The following STEAP3 variants were observed in gnomAD, a reference collection of about 807,000 sequenced individuals.
STEAP3 encodes the protein metalloreductase STEAP3.
In STEAP3, 35 loss-of-function variants were observed where a neutral mutation model predicts 34.9. The observed-to-expected ratio is 1.00, with a 90% CI of 0.76 to 1.33. STEAP3 has a LOEUF of 1.33. STEAP3 is among the 40% of genes most tolerant of loss of function. The pLI, the probability that STEAP3 is intolerant of heterozygous loss-of-function variation, is 0.00. For synonymous variants in STEAP3, 281 were observed against 301.6 expected, an observed-to-expected ratio of 0.93 and a Z score of 0.71; for missense variants, 652 against 667.6, an observed-to-expected ratio of 0.98 and a Z score of 0.26.
intron 4 of STEAP3, among the ~76,000 whole-genome samples, chr2:119,250,556 G>A (rs2104831302): frequency 6.6e-6 from 1 of 152,202 alleles, no homozygotes; most frequent in East Asian, 1.9e-4. Context: ...TGCTGCCCAG[G>A]ACGGGGCAGA....
At chr2:119,243,571 C>T (rs1382903069) in intron 2 of STEAP3, among the ~76,000 whole-genome samples, 1 of 152,190 alleles carries the variant, frequency 6.6e-6, no homozygotes, top group Non-Finnish European at 1.5e-5. Context: ...GGCCCATCAC[C>T]CGAGGAAAGG....
chr2:119,252,905 C>A (rs1677665068), intron 4 of STEAP3, among the ~76,000 whole-genome samples: 2 of 152,190 alleles, frequency 1.3e-5, no homozygotes, highest in South Asian at 4.1e-4. Context: ...GTGTAATCAT[C>A]CAAACTCTGA....
chr2:119,256,427 G>A (rs12104548), intron 5 of STEAP3, among the ~76,000 whole-genome samples: 2,237 of 152,094 alleles, frequency 0.015, 59 homozygotes, highest in African/African-American at 0.051. Context: ...TGGAGTATCC[G>A]GCGTGCATGG....
chr2:119,264,003 T>G lies in STEAP3; in HGVS notation c.*665T>G, dbSNP rs1380066175. On this transcript the variant is annotated 3_prime_UTR_variant, in exon 6 of 6. Transcript: ENST00000393110. ...TGAAGCTGCTCCACCTCATCCTTGC[T>G]GAGTGGGGGAGACATTTTCCCTGAA... 6.4e-6 allele frequency: 1 copy of G among 157,130 alleles called. No individual in the cohort carries two copies. The highest frequency in any genetic ancestry group is 1.4e-5 in the Non-Finnish European group (1 of 70,846). 9.7% of individuals were successfully genotyped at this position (157,130 alleles called of 1,614,324 possible).
intron 5 of STEAP3, among the ~76,000 whole-genome samples, chr2:119,257,937 A>G (rs1250457905): frequency 1.3e-5 from 2 of 152,230 alleles, no homozygotes; most frequent in Non-Finnish European, 2.9e-5. Flanking sequence ...CATAGAGTAA[A>G]GTGAAAGCAA....
rs550510527 is a variant in STEAP3, at chr2:119,251,931, CTT to C, written c.1051-2748_1051-2747del. ...TGTAATCTGTTGCATTTTGTAAATA[CTT>C]TTTTATTATTTTTCTTACACACTAC... is the stretch of plus-strand genomic sequence containing the variant. On this transcript the variant is annotated intron_variant, in intron 4 of 5. Coordinates refer to ENST00000393110, the MANE Select transcript of STEAP3 (RefSeq NM_182915.3). 8.4e-3 allele frequency among the ~76,000 whole-genome samples: 1,274 copies of C among 152,246 alleles called. 16 individuals are homozygous for C. Among genetic ancestry groups the C allele is most frequent in the African/African-American group, 0.029 (1,202 of 41,546 alleles).
At chr2:119,258,597 ATTTTTTTTTTTTTTTTTTT>A (rs57364767) in intron 5 of STEAP3, among the ~76,000 whole-genome samples, 5 of 69,940 alleles carry the variant, frequency 7.1e-5, no homozygotes, top group Non-Finnish European at 1.3e-4. Flanking sequence ...TCCTTTGGGT[ATTTTTTTTTTTTTTTTTTT>A]TTTTTTTTTG....
chr2:119,241,934 G>C (rs907585681), intron 2 of STEAP3, among the ~76,000 whole-genome samples: 2 of 152,238 alleles, frequency 1.3e-5, no homozygotes, highest in Admixed American at 1.3e-4. Flanking sequence ...GCATGTCTGC[G>C]TGAAGCCGTC....
intron 1 of STEAP3, among the ~76,000 whole-genome samples, 200 bp downstream of exon 1, chr2:119,224,088 C>T (rs1014488936): frequency 1.6e-4 from 24 of 152,236 alleles, no homozygotes; most frequent in African/African-American, 5.8e-4. Flanking sequence ...ACCCCGTGTG[C>T]CTTCCTTCCC....
At chr2:119,258,981 A>G (rs1370798215) in intron 5 of STEAP3, among the ~76,000 whole-genome samples, 1 of 19,470 alleles carries the variant, frequency 5.1e-5, no homozygotes, top group Non-Finnish European at 8.6e-5. Context: ...AAGTGTTTCA[A>G]TTCAGCCAGT....
intron 2 of STEAP3, among the ~76,000 whole-genome samples, chr2:119,240,667 G>A (rs1677221506): frequency 6.6e-6 from 1 of 152,210 alleles, no homozygotes; most frequent in Admixed American, 6.5e-5. Flanking sequence ...AGACAAGCCT[G>A]GGCAGAGACC....
At chr2:119,257,519 C>G in intron 5 of STEAP3, 1 of 1,545,730 alleles carries the variant, frequency 6.5e-7, no homozygotes, top group Non-Finnish European at 8.7e-7. Flanking sequence ...AATCTCAGTC[C>G]CAAGACCCCC....
chr2:119,250,654 C>G (rs533268556), intron 4 of STEAP3, among the ~76,000 whole-genome samples: 1 of 152,204 alleles, frequency 6.6e-6, no homozygotes, highest in Non-Finnish European at 1.5e-5. Flanking sequence ...CCCACTACCC[C>G]CCAGGGTAAA....
chr2:119,260,530 A>T (rs1381574882), intron 5 of STEAP3, among the ~76,000 whole-genome samples: 1 of 152,120 alleles, frequency 6.6e-6, no homozygotes, highest in East Asian at 1.9e-4. Context: ...TCCCAACCTC[A>T]GGTGATCTGC....
At chr2:119,229,016 C>T (rs1396561458) in intron 1 of STEAP3, among the ~76,000 whole-genome samples, 1 of 152,170 alleles carries the variant, frequency 6.6e-6, no homozygotes, top group Non-Finnish European at 1.5e-5. Flanking sequence ...CCCCCAGCAG[C>T]TTTGACAGGA....
Position 119,263,582 on chromosome 2 carries a change from A to T in STEAP3, c.*244A>T, listed in dbSNP as rs999435050. On this transcript the variant is annotated 3_prime_UTR_variant, in exon 6 of 6. Coordinates refer to ENST00000393110, the MANE Select transcript of STEAP3 (RefSeq NM_182915.3). ...TGCAATTATACATAGCTAGCTAAAA[A>T]GTTGGGTCTCTGAGATTTCAACTTG... 1 of 598,132 alleles carries T rather than the reference A, an allele frequency of 1.7e-6. No individual in the cohort carries two copies. The highest frequency in any genetic ancestry group is 1.9e-5 in the African/African-American group (1 of 53,610). The allele number at this position is 598,132 out of a possible 1,614,324, so 37.1% of individuals were successfully genotyped here.
At chr2:119,260,096 A>G (rs1239699048) in intron 5 of STEAP3, among the ~76,000 whole-genome samples, 2 of 152,126 alleles carry the variant, frequency 1.3e-5, no homozygotes, top group Non-Finnish European at 2.9e-5. Flanking sequence ...ATTTTACCCA[A>G]GCTCCCCGGG....
At chr2:119,257,030 A>G (rs944579857) in intron 5 of STEAP3, among the ~76,000 whole-genome samples, 2 of 152,200 alleles carry the variant, frequency 1.3e-5, no homozygotes, top group Non-Finnish European at 1.5e-5. Flanking sequence ...GGAGACAGTG[A>G]GACAGAGGCC....
At chr2:119,226,957 C>T (rs1328922067) in intron 1 of STEAP3, among the ~76,000 whole-genome samples, 1 of 152,208 alleles carries the variant, frequency 6.6e-6, no homozygotes, top group Non-Finnish European at 1.5e-5. Context: ...CTCCTAGCCA[C>T]TAACTAACTG....
Sources: gnomAD v4.1 joint callset for allele counts (sites outside exome capture counted in the v4.1 genomes callset) on GRCh38, gnomAD v4.1.1 for gene constraint, MANE v1.5 for transcripts, NCBI Gene and HGNC (gene_info 2026-07-23, HGNC 2026-07-21) for gene names.